SNRPN: variants seen among roughly 807,000 people sequenced by gnomAD.
SNRPN encodes the protein small nuclear ribonucleoprotein polypeptide N.
A neutral mutation model predicts 25.2 loss-of-function variants in SNRPN; 7 were observed. The observed-to-expected ratio is 0.28, with a 90% CI of 0.16 to 0.52. The LOEUF (loss-of-function observed/expected upper bound fraction) is 0.52, where lower values mean the gene tolerates loss of function less well. SNRPN is among the 20% of genes least tolerant of loss of function. SNRPN has a pLI of 0.96. For synonymous variants in SNRPN, 124 were observed against 110.6 expected (o/e 1.12, Z -0.76); for missense variants, 196 against 322.5 (o/e 0.61, Z 3.00).
intron 1 of SNRPN, among the ~76,000 whole-genome samples, chr15:24,884,019 A>AAAG (rs2056969187): frequency 6.9e-6 from 1 of 145,498 alleles, no homozygotes; most frequent in South Asian, 2.2e-4. Flanking sequence ...AAAAAAAAAA[A>AAAG]AAGAATGTAG....
intron 1 of SNRPN, among the ~76,000 whole-genome samples, chr15:24,878,759 T>G (rs1164080192): frequency 6.6e-6 from 1 of 152,158 alleles, no homozygotes; most frequent in Non-Finnish European, 1.5e-5. Flanking sequence ...CTTTTTTGCG[T>G]TCTTTGAAAA....
At chr15:24,839,680 A>C (rs1054052010) in intron 2 of SNRPN, among the ~76,000 whole-genome samples, 1 of 152,126 alleles carries the variant, frequency 6.6e-6, no homozygotes, top group African/African-American at 2.4e-5. Context: ...ACCACAGCCT[A>C]ACAGACCCCA....
chr15:24,927,088 AT>A (rs2060432602), intron 3 of SNRPN, among the ~76,000 whole-genome samples: 1 of 151,584 alleles, frequency 6.6e-6, no homozygotes, highest in African/African-American at 2.4e-5. Flanking sequence ...TATTTAATCA[AT>A]TTTTCTCCTT....
At position 24,974,475 on chromosome 15, in the gene SNRPN, C is replaced by T; in HGVS notation, c.3+19C>T. On this transcript the variant is annotated intron_variant, in intron 4 of 9. Transcript: ENST00000390687. ...AATCATGGTAAGCTGTATGATAAGG[C>T]TGAGGGTTGAAATGTGCTGTAAGGG... is the stretch of plus-strand genomic sequence containing the variant. 1 of 1,612,906 alleles carries T rather than the reference C, an allele frequency of 6.2e-7. No homozygotes were observed. The highest frequency in any genetic ancestry group is 2.2e-5 in the East Asian group (1 of 44,874).
intron 1 of SNRPN, among the ~76,000 whole-genome samples, chr15:24,863,879 A>G (rs2054259296): frequency 6.7e-6 from 1 of 150,306 alleles, no homozygotes; most frequent in Admixed American, 6.6e-5. Context: ...CTTAGCTTTC[A>G]CTTTATTTAC....
At chr15:24,877,558 C>G (rs893955339) in intron 1 of SNRPN, among the ~76,000 whole-genome samples, 2 of 152,062 alleles carry the variant, frequency 1.3e-5, no homozygotes, top group Non-Finnish European at 2.9e-5. Flanking sequence ...GGCGCGGTGG[C>G]TGACGCCTGT....
chr15:24,881,110 A>T (rs2056543283), intron 1 of SNRPN, among the ~76,000 whole-genome samples: 1 of 152,170 alleles, frequency 6.6e-6, no homozygotes. Context: ...TCTGCTGTGC[A>T]TGGAAGATAG....
chr15:24,884,981 A>G (rs776214023), intron 1 of SNRPN, among the ~76,000 whole-genome samples: 66 of 152,178 alleles, frequency 4.3e-4, no homozygotes, highest in Non-Finnish European at 7.6e-4. Flanking sequence ...CTTGTATTTA[A>G]GTTTTTTTTA....
In SNRPN at chr15:24,929,315, A is replaced by C. The variant is rs2736703; in HGVS notation, c.-391+9191A>C. 3.3e-5 allele frequency among the ~76,000 whole-genome samples: 5 copies of C among 151,754 alleles called. 1 individual carries two copies. The highest frequency in any genetic ancestry group is 3.3e-4 in the Admixed American group (5 of 15,214). On this transcript the variant is annotated intron_variant, in intron 3 of 11. Transcript: ENST00000400097. This position sits in a 1 kb window ranked among gnomAD's most constrained non-coding sequence, Gnocchi z 5.3. ...CCTCTCTCCCAGTGAGTGTCACCCC[A>C]TTTCTGTTTCATCTCTTTCCCTACT...
At position 24,864,087 on chromosome 15, in the gene SNRPN, C is replaced by T. The variant is rs1166391880; in HGVS notation, c.-579+7371C>T. Among the ~76,000 whole-genome samples, 47 of 147,174 alleles carry T rather than the reference C, an allele frequency of 3.2e-4. 4 individuals carry two copies. Among genetic ancestry groups the T allele is most frequent in the African/African-American group, 1.1e-3 (44 of 38,928 alleles). ...TGTCGCCCAGGCTGGAGTGCCATGGCGTGAACTCTGCTTACTGCAAGCTCC... is the reference window on the plus strand; with the variant it reads ...TGTCGCCCAGGCTGGAGTGCCATGGTGTGAACTCTGCTTACTGCAAGCTCC... On this transcript the variant is annotated intron_variant, in intron 1 of 11. Transcript: ENST00000400097.
intron 2 of SNRPN, among the ~76,000 whole-genome samples, chr15:24,844,073 G>A (rs142379708): frequency 8.6e-4 from 130 of 151,948 alleles, no homozygotes; most frequent in African/African-American, 2.9e-3. Context: ...GGGAATCCCC[G>A]TTACTCCACA....
chr15:24,966,179 A>G (rs2075601494), intron 2 of SNRPN, among the ~76,000 whole-genome samples: 1 of 152,180 alleles, frequency 6.6e-6, no homozygotes, highest in South Asian at 2.1e-4. Context: ...CACACTTCCG[A>G]CCAACAGTCT....
chr15:24,967,236 AC>A (rs2075770220), intron 2 of SNRPN: 1 of 152,216 alleles, frequency 6.6e-6, no homozygotes, highest in Non-Finnish European at 1.5e-5. Context: ...ATATTTCTAG[AC>A]TTGGTAAGTA....
upstream of SNRPN, chr15:24,851,917 CG>C (rs1292525948): frequency 2.6e-5 from 4 of 152,150 alleles, no homozygotes; most frequent in African/African-American, 4.8e-5. Context: ...CCTTTCCCCT[CG>C]GTTATTTTGT....
upstream of SNRPN, among the ~76,000 whole-genome samples, chr15:24,853,462 C>T (rs191753583): frequency 1.3e-5 from 2 of 151,684 alleles, no homozygotes; most frequent in Admixed American, 6.6e-5. Context: ...GACGCGATCT[C>T]GGCTTGCTGC....
intron 1 of SNRPN, among the ~76,000 whole-genome samples, chr15:24,826,691 A>G (rs2050105854): frequency 6.6e-6 from 1 of 152,126 alleles, no homozygotes; most frequent in African/African-American, 2.4e-5. Context: ...GGTCAGAGTT[A>G]GTCTATGCAT....
chr15:24,958,492 T>TTTG (rs1427456120), intron 1 of SNRPN, among the ~76,000 whole-genome samples: 2 of 37,142 alleles, frequency 5.4e-5, no homozygotes, highest in Non-Finnish European at 4.9e-5. Flanking sequence ...CAAAGTTTTT[T>TTTG]TTTTTTTTTT....
At chr15:24,923,346 G>T (rs73354142) in intron 3 of SNRPN, among the ~76,000 whole-genome samples, 1,583 of 152,228 alleles carry the variant, frequency 0.01, 31 homozygotes, top group African/African-American at 0.036. Flanking sequence ...ACTGGTAGTG[G>T]AATTCATGGA....
chr15:24,945,096 A>G (rs895688759), intron 3 of SNRPN, among the ~76,000 whole-genome samples: 2 of 152,154 alleles, frequency 1.3e-5, no homozygotes, highest in Admixed American at 6.5e-5. Flanking sequence ...ATTGACACAT[A>G]AGATCACTAT....
Sources: allele counts gnomAD v4.1 joint callset (sites outside exome capture counted in the v4.1 genomes callset), GRCh38; gene constraint gnomAD v4.1.1; non-coding constraint Gnocchi (gnomAD v3.1); transcripts MANE v1.5; gene names NCBI Gene and HGNC (gene_info 2026-07-23, HGNC 2026-07-21).